Variants in CYB5R4 observed in about 807,000 individuals in gnomAD.
CYB5R4 encodes cytochrome b5 reductase 4.
In CYB5R4, 55 loss-of-function variants were observed where a neutral mutation model predicts 70.2. The observed-to-expected ratio is 0.78, with a 90% CI of 0.63 to 0.98. CYB5R4 has a LOEUF of 0.98. Among genes scored for constraint, CYB5R4 ranks in the 50% least tolerant of loss-of-function variants. CYB5R4 has a pLI of 0.00. For missense variants in CYB5R4, 562 were observed against 612.6 expected (o/e 0.92, Z 0.87); for synonymous variants, 197 against 199.5 (o/e 0.99, Z 0.11).
intron 2 of CYB5R4, among the ~76,000 whole-genome samples, chr6:83,874,831 A>AT (rs1187076708): frequency 0.01 from 1,505 of 143,658 alleles, 26 homozygotes; most frequent in African/African-American, 0.035. Flanking sequence ...TTTTATTTTT[A>AT]TTTTTTTTTT....
chr6:83,892,149 C>T (rs1319817750), intron 2 of CYB5R4, among the ~76,000 whole-genome samples: 1 of 152,114 alleles, frequency 6.6e-6, no homozygotes, highest in Non-Finnish European at 1.5e-5. Flanking sequence ...AAAGAGGGAA[C>T]TTAACTAGTT....
chr6:83,956,438 G>A, intron 15 of CYB5R4, among the ~76,000 whole-genome samples: 1 of 152,132 alleles, frequency 6.6e-6, no homozygotes, highest in East Asian at 1.9e-4. Flanking sequence ...GTTGACAATT[G>A]GTTGAGTTTG....
In CYB5R4 at chr6:83,955,320, T is replaced by C; in HGVS notation, c.1369T>C (p.Ser457Pro). The C allele has an allele frequency of 6.2e-7, 1 of 1,613,710 alleles. No homozygotes were observed. Among genetic ancestry groups the C allele is most frequent in the Non-Finnish European group, 8.5e-7 (1 of 1,179,766 alleles). ...DKRLDVEFVL[S>P]APISEWNGKQ... The stretch of plus-strand genomic sequence containing the variant: ...TAGACTGGATGTTGAATTTGTTCTC[T>C]CAGCACCTATTTCTGAATGGAATGG... Residue 457 changes from serine to proline, a missense_variant, in exon 15 of 16, where the codon TCA becomes CCA. Coordinates refer to ENST00000369681, the MANE Select transcript of CYB5R4 (RefSeq NM_016230.4).
chr6:83,946,161 G>A (rs1034637859), intron 14 of CYB5R4, among the ~76,000 whole-genome samples: 6 of 152,158 alleles, frequency 3.9e-5, no homozygotes, highest in Admixed American at 2.0e-4. Context: ...GAACATCGAT[G>A]CAAAAATCCT....
intron 2 of CYB5R4, among the ~76,000 whole-genome samples, chr6:83,891,479 A>C (rs891283179): frequency 6.6e-6 from 1 of 152,150 alleles, no homozygotes; most frequent in Non-Finnish European, 1.5e-5. Context: ...AAAAAGGGAG[A>C]TAAGGAAGGA....
At position 83,962,117 on chromosome 6, in the gene CYB5R4, T is replaced by C. The variant is rs1384456849; in HGVS notation, c.*2239T>C. The C allele has an allele frequency of 6.6e-6, 1 of 152,196 alleles. No homozygotes were observed. The highest frequency in any genetic ancestry group is 1.5e-5 in the Non-Finnish European group (1 of 68,024). 9.4% of individuals were successfully genotyped at this position (152,196 alleles called of 1,614,324 possible). On this transcript the variant is annotated 3_prime_UTR_variant, in exon 16 of 16. Transcript: ENST00000369681. The stretch of plus-strand genomic sequence containing the variant: ...GCATACCACCCCACCATCCACCTAG[T>C]AAGCCATTCTAGAACTATTAGGAAT...
chr6:83,861,820 C>A (rs1222870927), intron 1 of CYB5R4, among the ~76,000 whole-genome samples: 1 of 152,196 alleles, frequency 6.6e-6, no homozygotes, highest in South Asian at 2.1e-4. Context: ...ATATAGCTAA[C>A]ATTTCTTTCA....
chr6:83,943,542 A>G (rs1196790770), intron 14 of CYB5R4, among the ~76,000 whole-genome samples: 1 of 152,138 alleles, frequency 6.6e-6, no homozygotes, highest in Non-Finnish European at 1.5e-5. Context: ...AATGCCAACA[A>G]CCAGAATGCC....
At chr6:83,894,946 A>T (rs2099461629) in intron 3 of CYB5R4, among the ~76,000 whole-genome samples, 1 of 152,160 alleles carries the variant, frequency 6.6e-6, no homozygotes, top group African/African-American at 2.4e-5. Flanking sequence ...GTTGCAGTTC[A>T]AACCTGTGTT....
intron 12 of CYB5R4, among the ~76,000 whole-genome samples, chr6:83,938,509 G>A (rs968382100): frequency 1.3e-5 from 2 of 152,066 alleles, no homozygotes; most frequent in African/African-American, 2.4e-5. Context: ...TGATTAATTT[G>A]GCTTTCCATG....
At chr6:83,886,281 C>G (rs1004994032) in intron 2 of CYB5R4, among the ~76,000 whole-genome samples, 2 of 152,142 alleles carry the variant, frequency 1.3e-5, no homozygotes, top group Non-Finnish European at 2.9e-5. Context: ...ATGACCCAAT[C>G]GCTTAAAGGC....
In CYB5R4 at chr6:83,866,342, G is replaced by A. The variant is rs1470140177; in HGVS notation, c.229+2014G>A. 2.0e-5 allele frequency among the ~76,000 whole-genome samples: 3 copies of A among 152,262 alleles called. No individual in the cohort carries two copies. The East Asian group carries it at 5.8e-4, about 29-fold the overall frequency. On this transcript the variant is annotated intron_variant, in intron 2 of 15. Transcript: ENST00000369681. ...TTATCCAAAATGCTTGGGATCAGAA[G>A]TATTTTGAATTTGGGATTTTTTCAA...
intron 15 of CYB5R4, among the ~76,000 whole-genome samples, chr6:83,959,499 G>T (rs1226017116): frequency 1.3e-5 from 2 of 152,254 alleles, no homozygotes; most frequent in African/African-American, 2.4e-5. Flanking sequence ...GGGTCTGGGG[G>T]ATCTTACAGA....
At chr6:83,926,991 G>A (rs2129140952) in intron 10 of CYB5R4, among the ~76,000 whole-genome samples, 1 of 152,184 alleles carries the variant, frequency 6.6e-6, no homozygotes, top group East Asian at 1.9e-4. Context: ...CATCTGTCTT[G>A]GGTCTGTTGA....
At chr6:83,948,073 A>G (rs1045459102) in intron 14 of CYB5R4, among the ~76,000 whole-genome samples, 2 of 152,238 alleles carry the variant, frequency 1.3e-5, no homozygotes, top group African/African-American at 4.8e-5. Flanking sequence ...ATGCACATGT[A>G]TGTTTATTGC....
intron 2 of CYB5R4, among the ~76,000 whole-genome samples, chr6:83,875,212 C>T (rs1437270724): frequency 6.6e-6 from 1 of 152,182 alleles, no homozygotes; most frequent in Non-Finnish European, 1.5e-5. Context: ...GGTTAATATT[C>T]AGTAAATGTT....
In CYB5R4 at chr6:83,921,117, G is replaced by T; in HGVS notation, c.600G>T (p.Gln200His). 1 of 1,532,184 alleles carries T rather than the reference G, an allele frequency of 6.5e-7. No homozygotes were observed. The highest frequency in any genetic ancestry group is 8.9e-7 in the Non-Finnish European group (1 of 1,123,854). 94.9% of individuals were successfully genotyped at this position (1,532,184 alleles called of 1,614,324 possible). The change falls in exon 8 of 16, where the codon CAG becomes CAT. Residue 200 changes from glutamine to histidine, a missense_variant. Gln to His is a conservative substitution (Grantham distance 24). Coordinates refer to ENST00000369681, the MANE Select transcript of CYB5R4 (RefSeq NM_016230.4). ...TAGACTCAATAATAGTTGATCATCAGAATGATTCCTTTAGAGCAGAAACAA... is the reference window on the plus strand; with the variant it reads ...TAGACTCAATAATAGTTGATCATCATAATGATTCCTTTAGAGCAGAAACAA... Reference protein sequence around the residue: ...INLDSIIVDHQNDSFRAETII... With the variant: ...INLDSIIVDHHNDSFRAETII...
At position 83,924,232 on chromosome 6, in the gene CYB5R4, G is replaced by C. The variant is rs2099466917; in HGVS notation, c.692-238G>C. 2.1e-5 allele frequency among the ~76,000 whole-genome samples: 3 copies of C among 145,826 alleles called. No individual in the cohort carries two copies. In the Admixed American group the frequency reaches 2.1e-4, roughly 10 times the overall value. ...GAAAACCAGCAACACATAGTAGTTT[G>C]GCCCTTAATAAATTAGTTTGAAAGA... On this transcript the variant is annotated intron_variant, in intron 9 of 15. Coordinates refer to ENST00000369681, the MANE Select transcript of CYB5R4 (RefSeq NM_016230.4).
Position 83,924,594 on chromosome 6 carries a change from T to C in CYB5R4, c.814+2T>C. 1.2e-6 allele frequency: 2 copies of C among 1,611,588 alleles called. No homozygotes were observed. Among genetic ancestry groups the C allele is most frequent in the African/African-American group, 2.7e-5 (2 of 74,858 alleles). On this transcript the variant is annotated splice_donor_variant, in intron 10 of 15. Transcript: ENST00000369681. LOFTEE classifies it high-confidence loss of function. ...CACTTATTCCAAGGAAAGATACAGG[T>C]ATGCTGTGTTCTTTTGTTACGTTAA...
Sources: allele counts gnomAD v4.1 joint callset (sites outside exome capture counted in the v4.1 genomes callset), GRCh38; gene constraint gnomAD v4.1.1; transcripts MANE v1.5; gene names NCBI Gene and HGNC (gene_info 2026-07-23, HGNC 2026-07-21).